FHIT: variants seen among roughly 807,000 people sequenced by gnomAD.
FHIT encodes bis(5'-adenosyl)-triphosphatase.
In FHIT, 19 loss-of-function variants were observed where a neutral mutation model predicts 17.9. The ratio of observed to expected loss-of-function variants is 1.06; its 90% CI spans 0.74 to 1.56. The LOEUF (loss-of-function observed/expected upper bound fraction) is 1.56, where lower values mean the gene tolerates loss of function less well. Among genes scored for constraint, FHIT ranks in the 40% most tolerant of loss-of-function variants. The pLI, the probability that FHIT is intolerant of heterozygous loss-of-function variation, is 0.00. For missense variants in FHIT, 248 were observed against 189.2 expected, an observed-to-expected ratio of 1.31 and a Z score of -1.82; for synonymous variants, 81 against 69.7, an observed-to-expected ratio of 1.16 and a Z score of -0.81.
intron 5 of FHIT, among the ~76,000 whole-genome samples, chr3:60,462,545 T>A (rs775305407): frequency 2.0e-5 from 3 of 152,130 alleles, no homozygotes; most frequent in African/African-American, 7.2e-5. Context: ...GAGGAATTAA[T>A]GCAGGAGCTG....
At chr3:60,748,720 G>C (rs558722724) in intron 4 of FHIT, among the ~76,000 whole-genome samples, 1 of 152,136 alleles carries the variant, frequency 6.6e-6, no homozygotes, top group Non-Finnish European at 1.5e-5. Context: ...GCTGAGGCAG[G>C]AGAAATGCTT....
intron 3 of FHIT, among the ~76,000 whole-genome samples, chr3:60,828,065 C>T (rs1053186992): frequency 2.0e-5 from 3 of 152,044 alleles, no homozygotes; most frequent in Admixed American, 6.5e-5. Flanking sequence ...ATGATTGTAC[C>T]CAAGTAATCA....
At chr3:60,641,265 T>C (rs1001641608) in intron 4 of FHIT, among the ~76,000 whole-genome samples, 3 of 152,270 alleles carry the variant, frequency 2.0e-5, no homozygotes, top group Non-Finnish European at 2.9e-5. Flanking sequence ...TGCATGAGAA[T>C]CCATACTATT....
intron 5 of FHIT, among the ~76,000 whole-genome samples, chr3:60,310,786 A>G (rs1297175272): frequency 6.6e-6 from 1 of 152,128 alleles, no homozygotes; most frequent in East Asian, 1.9e-4. Context: ...ACTTATCTAC[A>G]TGGTCCAAGA....
chr3:60,233,542 C>T (rs1704610899), intron 5 of FHIT, among the ~76,000 whole-genome samples: 2 of 152,144 alleles, frequency 1.3e-5, no homozygotes, highest in Admixed American at 1.3e-4. Flanking sequence ...CCTGCCCACC[C>T]CTCTGCACCC....
chr3:60,736,198 T>C (rs2042129484), intron 4 of FHIT, among the ~76,000 whole-genome samples: 2 of 152,148 alleles, frequency 1.3e-5, no homozygotes, highest in African/African-American at 2.4e-5. Flanking sequence ...GCAAGTGGGA[T>C]TATAAAATGG....
intron 7 of FHIT, among the ~76,000 whole-genome samples, chr3:59,979,707 C>G (rs1708567901): frequency 6.6e-6 from 1 of 152,066 alleles, no homozygotes; most frequent in Non-Finnish European, 1.5e-5. Flanking sequence ...TGGTGCTTTA[C>G]TGGATAAATA....
intron 5 of FHIT, among the ~76,000 whole-genome samples, chr3:60,288,697 A>T (rs916740883): frequency 1.1e-4 from 16 of 151,400 alleles, no homozygotes; most frequent in South Asian, 6.2e-4. Flanking sequence ...TCATACTTTT[A>T]AAAAAAAGTA....
Position 60,861,173 on chromosome 3 carries a change from C to CTATGATATATATGATATATATGATA in FHIT, c.-110-39163_-110-39162insTATCATATATATCATATATATCATA, listed in dbSNP as rs1227815223. ...TCTATATACATATATATCATATGTT[C>CTATGATATATATGATATATATGATA]TATGATATATATGATATATATCATA... On this transcript the variant is annotated intron_variant, in intron 3 of 9. Transcript: ENST00000492590. Among the ~76,000 whole-genome samples the CTATGATATATATGATATATATGATA allele has an allele frequency of 3.4e-3, 4 of 1,190 alleles. 2 individuals carry two copies. The highest frequency in any genetic ancestry group is 6.5e-3 in the Non-Finnish European group (2 of 310). 0.8% of individuals were successfully genotyped at this position (1,190 alleles called of 152,430 possible). A position where few individuals can be genotyped will look rare whatever the true frequency, so the allele number is the denominator to read the frequency against.
intron 5 of FHIT, among the ~76,000 whole-genome samples, chr3:60,088,500 ACAT>A (rs1390872926): frequency 2.0e-5 from 3 of 152,132 alleles, no homozygotes; most frequent in Non-Finnish European, 1.5e-5. Flanking sequence ...GTATCATCCT[ACAT>A]CATCATGTCA....
intron 8 of FHIT, among the ~76,000 whole-genome samples, chr3:59,799,763 C>A (rs1371402945): frequency 6.6e-6 from 1 of 152,156 alleles, no homozygotes; most frequent in African/African-American, 2.4e-5. Context: ...GCTGAAATTA[C>A]CAAATATTCT....
chr3:60,323,701 C>T (rs1189877221), intron 5 of FHIT, among the ~76,000 whole-genome samples: 1 of 152,194 alleles, frequency 6.6e-6, no homozygotes, highest in East Asian at 1.9e-4. Context: ...CCTTAAATTA[C>T]TTTGACTTAA....
chr3:61,017,055 G>A (rs1310546994), intron 3 of FHIT, among the ~76,000 whole-genome samples: 1 of 152,188 alleles, frequency 6.6e-6, no homozygotes, highest in African/African-American at 2.4e-5. Context: ...GGGAGGCCGA[G>A]GTGAGCAGAT....
intron 5 of FHIT, among the ~76,000 whole-genome samples, chr3:60,120,753 T>C (rs189406859): frequency 6.6e-5 from 10 of 152,308 alleles, no homozygotes; most frequent in Admixed American, 6.5e-4. Context: ...CATTCTCTCT[T>C]CTGCAGGATC....
chr3:59,904,422 G>T (rs1338112097), intron 8 of FHIT, among the ~76,000 whole-genome samples: 3 of 152,068 alleles, frequency 2.0e-5, no homozygotes, highest in African/African-American at 7.2e-5. Context: ...CACCTCAACT[G>T]TCAGAAACAG....
chr3:60,503,370 C>T (rs1350115585), intron 5 of FHIT, among the ~76,000 whole-genome samples: 1 of 152,124 alleles, frequency 6.6e-6, no homozygotes, highest in Admixed American at 6.5e-5. Flanking sequence ...AGATCTCAAA[C>T]ATTTATTATC....
intron 5 of FHIT, among the ~76,000 whole-genome samples, chr3:60,334,192 A>T (rs988328106): frequency 6.6e-6 from 1 of 152,186 alleles, no homozygotes. Context: ...TGTTTCTCTG[A>T]AAATAATTGT....
intron 3 of FHIT, among the ~76,000 whole-genome samples, chr3:60,923,701 G>C (rs1439068664): frequency 2.0e-5 from 3 of 152,114 alleles, no homozygotes; most frequent in Admixed American, 2.0e-4. Flanking sequence ...AGGAGTGTCG[G>C]ACAGTGGGTG....
intron 5 of FHIT, among the ~76,000 whole-genome samples, chr3:60,507,792 G>T (rs1295349087): frequency 6.6e-6 from 1 of 152,052 alleles, no homozygotes; most frequent in East Asian, 1.9e-4. Flanking sequence ...TCCTGTTCCT[G>T]CATTAGTTTG....
Sources: gnomAD v4.1 joint callset for allele counts (sites outside exome capture counted in the v4.1 genomes callset) on GRCh38, gnomAD v4.1.1 for gene constraint, MANE v1.5 for transcripts, NCBI Gene and HGNC (gene_info 2026-07-23, HGNC 2026-07-21) for gene names.